The following RIMKLB variants were observed in gnomAD, a reference collection of about 807,000 sequenced individuals.
RIMKLB encodes beta-citrylglutamate synthase B.
In RIMKLB, 7 loss-of-function variants were observed where a neutral mutation model predicts 32.0. The ratio of observed to expected loss-of-function variants is 0.22; its 90% CI spans 0.12 to 0.41. The LOEUF (loss-of-function observed/expected upper bound fraction) is 0.41. Among genes scored for constraint, RIMKLB ranks in the 10% least tolerant of loss-of-function variants. The probability of loss-of-function intolerance (pLI) is 1.00; values close to 1 mark genes in which losing one functional copy is unlikely to be tolerated. For synonymous variants in RIMKLB, 172 were observed against 185.1 expected (o/e 0.93, Z 0.57); for missense variants, 289 against 498.7 (o/e 0.58, Z 4.00).
chr12:8,702,394 A>G (rs771998779), intron 1 of RIMKLB, among the ~76,000 whole-genome samples: 3 of 152,226 alleles, frequency 2.0e-5, no homozygotes, highest in Non-Finnish European at 4.4e-5. Flanking sequence ...TAATTTTACT[A>G]CCTTTTATTT....
intron 1 of RIMKLB, among the ~76,000 whole-genome samples, chr12:8,690,084 G>C (rs761733247): frequency 4.8e-4 from 73 of 152,144 alleles, no homozygotes; most frequent in Admixed American, 9.8e-4. Flanking sequence ...CAGCATGTCA[G>C]TGGGTCCCTT....
At chr12:8,686,634 C>T (rs1275895826) in intron 1 of RIMKLB, among the ~76,000 whole-genome samples, 1 of 151,338 alleles carries the variant, frequency 6.6e-6, no homozygotes, top group African/African-American at 2.5e-5. Flanking sequence ...CGCCCGCCAC[C>T]ACGCCCGGCT....
Position 8,776,628 on chromosome 12 carries a change from T to A in RIMKLB, c.*2844T>A. The stretch of plus-strand genomic sequence containing the variant: ...CATGATGAAAACTGGACTTTATATA[T>A]CTAAACATACAAGTATGAACTATTC... On this transcript the variant is annotated 3_prime_UTR_variant, in exon 6 of 6. Transcript: ENST00000535829. 2.2e-6 allele frequency: 2 copies of A among 914,068 alleles called. No individual in the cohort carries two copies. Among genetic ancestry groups the A allele is most frequent in the Non-Finnish European group, 1.3e-6 (1 of 765,204 alleles). The allele number at this position is 914,068 out of a possible 1,614,324, so 56.6% of individuals were successfully genotyped here.
chr12:8,764,307 C>T (rs1264703238), intron 5 of RIMKLB, among the ~76,000 whole-genome samples: 1 of 152,136 alleles, frequency 6.6e-6, no homozygotes, highest in Non-Finnish European at 1.5e-5. Context: ...AGGATTAATT[C>T]CTTCCTCAAG....
the RIMKLB span, among the ~76,000 whole-genome samples, chr12:8,673,861 T>G: frequency 7.2e-5 from 11 of 152,036 alleles, no homozygotes; most frequent in Non-Finnish European, 1.2e-4. Context: ...CCTCCCAAAG[T>G]GCTGGGATTA....
intron 5 of RIMKLB, among the ~76,000 whole-genome samples, chr12:8,770,627 T>C (rs1406653886): frequency 6.6e-6 from 1 of 152,218 alleles, no homozygotes; most frequent in Non-Finnish European, 1.5e-5. Flanking sequence ...CCCTCACATA[T>C]TCTGTTAATA....
At chr12:8,715,228 C>CCTTTTTTTTTTTTTTTTTTTTTTTTTTTT (rs1445737752) in intron 2 of RIMKLB, among the ~76,000 whole-genome samples, 5 of 123,738 alleles carry the variant, frequency 4.0e-5, no homozygotes, top group African/African-American at 1.6e-4. Context: ...TGCTCTTGTT[C>CCTTTTTTTTTTTTTTTTTTTTTTTTTTTT]TTTTTTTTTT....
chr12:8,700,140 C>T (rs1424133404), intron 1 of RIMKLB: 1 of 152,140 alleles, frequency 6.6e-6, no homozygotes, highest in Non-Finnish European at 1.5e-5. Context: ...GCCCCTTTTC[C>T]TCTCCAGAGG....
At chr12:8,704,971 A>AACACACACACACAC (rs3076182) in intron 1 of RIMKLB, among the ~76,000 whole-genome samples, 66 of 146,672 alleles carry the variant, frequency 4.5e-4, no homozygotes, top group Middle Eastern at 3.4e-3. Flanking sequence ...TCACCTCTAA[A>AACACACACACACAC]ACACACACAC....
intron 2 of RIMKLB, among the ~76,000 whole-genome samples, chr12:8,733,489 A>C (rs1946731491): frequency 6.6e-6 from 1 of 152,218 alleles, no homozygotes; most frequent in South Asian, 2.1e-4. Flanking sequence ...GAATATAAGG[A>C]AAAACATGAA....
intron 2 of RIMKLB, among the ~76,000 whole-genome samples, chr12:8,730,298 C>T (rs1364097563): frequency 1.1e-4 from 16 of 152,198 alleles, no homozygotes; most frequent in Non-Finnish European, 2.4e-4. Flanking sequence ...GCTGTCTTGC[C>T]CAAGCTGGTT....
chr12:8,724,172 T>G (rs1945757394), intron 2 of RIMKLB, among the ~76,000 whole-genome samples: 1 of 152,122 alleles, frequency 6.6e-6, no homozygotes, highest in South Asian at 2.1e-4. Context: ...ACTTGGTAAT[T>G]TTGGATGGTC....
chr12:8,774,446 C>T lies in RIMKLB; in HGVS notation c.*662C>T, dbSNP rs1331212815. 7 of 985,160 alleles carry T rather than the reference C, an allele frequency of 7.1e-6. No homozygotes were observed. Among genetic ancestry groups the T allele is most frequent in the Non-Finnish European group, 7.2e-6 (6 of 829,570 alleles). The allele number at this position is 985,160 out of a possible 1,614,324, so 61.0% of individuals were successfully genotyped here. ...GATGAAATGGAAATGAACAGTATTG[C>T]AATGTCCGGTATACAAAATAACATT... On this transcript the variant is annotated 3_prime_UTR_variant, in exon 6 of 6. Coordinates refer to ENST00000535829, the MANE Select transcript of RIMKLB (RefSeq NM_001297776.2).
chr12:8,674,055 C>G, the RIMKLB span, among the ~76,000 whole-genome samples: 3 of 151,940 alleles, frequency 2.0e-5, no homozygotes, highest in African/African-American at 7.3e-5. Context: ...TAAACTCCAC[C>G]TTTTACTGGG....
rs1284782814 is a variant in RIMKLB, at chr12:8,777,110, G to A, written c.*3326G>A. ...CTGCTGCTACTGTTTTTATTTGTTT[G>A]TTTGTTCAATTTTATTTAAGATTTG... On this transcript the variant is annotated 3_prime_UTR_variant, in exon 6 of 6. Coordinates refer to ENST00000535829, the MANE Select transcript of RIMKLB (RefSeq NM_001297776.2). 1.0e-6 allele frequency: 1 copy of A among 982,350 alleles called. No homozygotes were observed. Among genetic ancestry groups the A allele is most frequent in the Non-Finnish European group, 1.2e-6 (1 of 829,054 alleles). The allele number at this position is 982,350 out of a possible 1,614,324, so 60.9% of individuals were successfully genotyped here.
chr12:8,772,516 C>T (rs57650901), intron 5 of RIMKLB, among the ~76,000 whole-genome samples: 1,989 of 152,288 alleles, frequency 0.013, 40 homozygotes, highest in African/African-American at 0.046. Flanking sequence ...ATTTAATTCA[C>T]GGGCCAGTCT....
At chr12:8,671,761 A>C in the RIMKLB span, among the ~76,000 whole-genome samples, 2 of 152,022 alleles carry the variant, frequency 1.3e-5, no homozygotes, top group Admixed American at 6.6e-5. Flanking sequence ...TAAAATACAA[A>C]AATTAGCCAG....
chr12:8,746,520 C>A (rs1172581708), intron 2 of RIMKLB, among the ~76,000 whole-genome samples: 1 of 150,952 alleles, frequency 6.6e-6, no homozygotes, highest in African/African-American at 2.5e-5. Flanking sequence ...ATTGCTTGAA[C>A]CCAGGAGGCA....
chr12:8,762,891 A>T (rs1949645536), intron 5 of RIMKLB, among the ~76,000 whole-genome samples: 1 of 152,230 alleles, frequency 6.6e-6, no homozygotes, highest in East Asian at 1.9e-4. Flanking sequence ...AGGTCCCCTT[A>T]AGCGGCGTAG....
Sources: allele counts gnomAD v4.1 joint callset (sites outside exome capture counted in the v4.1 genomes callset), GRCh38; gene constraint gnomAD v4.1.1; transcripts MANE v1.5; gene names NCBI Gene and HGNC (gene_info 2026-07-23, HGNC 2026-07-21).